SLC26A8: variants seen among roughly 807,000 people sequenced by gnomAD.
The protein encoded by SLC26A8 is testis anion transporter 1.
SLC26A8 carries 70 observed loss-of-function variants against 105.0 expected under a neutral mutation model. The observed-to-expected ratio is 0.67, with a 90% confidence interval of 0.55 to 0.81. The LOEUF (loss-of-function observed/expected upper bound fraction) is 0.81, where lower values mean the gene tolerates loss of function less well. SLC26A8 is among the 40% of genes least tolerant of loss of function. SLC26A8 has a pLI of 0.00. For missense variants in SLC26A8, 998 were observed against 1,181.8 expected (o/e 0.84, Z 2.28); for synonymous variants, 415 against 438.3 (o/e 0.95, Z 0.66).
Position 35,960,865 on chromosome 6 carries a change from C to T in SLC26A8, c.1616G>A (p.Arg539Lys), listed in dbSNP as rs763871315. 1 of 1,614,154 alleles carries T rather than the reference C, an allele frequency of 6.2e-7. No homozygotes were observed. Among genetic ancestry groups the T allele is most frequent in the Non-Finnish European group, 8.5e-7 (1 of 1,180,036 alleles). Residue 539 changes from arginine (R) to lysine (K), a missense_variant, in exon 14 of 20, where the codon AGA (arginine) becomes AAA (lysine). Coordinates refer to ENST00000490799, the MANE Select transcript of SLC26A8 (RefSeq NM_052961.4). ...TACCTCCCGATAATCATTGATGCTT[C>T]TATAAATGTTGGTGTTAGGGATTTG... ...LGQIPNTNIY[R>K]SINDYREIIT...
chr6:36,018,027 G>A (rs1277034520), intron 2 of SLC26A8, among the ~76,000 whole-genome samples: 4 of 152,154 alleles, frequency 2.6e-5, no homozygotes, highest in Non-Finnish European at 4.4e-5. Context: ...TAAAAAAATG[G>A]AAAATAACAA....
chr6:36,017,429 CAA>C (rs1437235141), intron 2 of SLC26A8, among the ~76,000 whole-genome samples: 3 of 152,024 alleles, frequency 2.0e-5, no homozygotes. Flanking sequence ...GTCAGGAGTT[CAA>C]AACCAGCCTG....
intron 8 of SLC26A8, among the ~76,000 whole-genome samples, chr6:35,979,972 C>T (rs537626231): frequency 2.6e-5 from 4 of 151,858 alleles, no homozygotes; most frequent in Non-Finnish European, 5.9e-5. Context: ...TGGGTTTTTT[C>T]TTTTTTCTTT....
chr6:36,016,947 G>A (rs982804604), intron 2 of SLC26A8, among the ~76,000 whole-genome samples: 1 of 152,038 alleles, frequency 6.6e-6, no homozygotes, highest in Admixed American at 6.6e-5. Flanking sequence ...CAAAGCAAGC[G>A]GATCACTTGA....
At position 35,955,058 on chromosome 6, in the gene SLC26A8, G is replaced by C; in HGVS notation, c.2232+94C>G. The C allele has an allele frequency of 2.7e-6, 4 of 1,488,768 alleles. No individual in the cohort carries two copies. The South Asian group carries it at 4.8e-5, about 18-fold the overall frequency. 92.2% of individuals were successfully genotyped at this position (1,488,768 alleles called of 1,614,324 possible). A position where few individuals can be genotyped will look rare whatever the true frequency, so the allele number is the denominator to read the frequency against. On this transcript the variant is annotated intron_variant, in intron 17 of 19. Coordinates refer to ENST00000490799, the MANE Select transcript of SLC26A8 (RefSeq NM_052961.4). ...GTGGCCTAGCAGTCTCATAGCAGCT[G>C]ATCAGTGACTAACAGAATTCAATCA...
At chr6:35,951,085 C>A in intron 19 of SLC26A8, 78 bp downstream of exon 19, 1 of 1,252,870 alleles carries the variant, frequency 8.0e-7, no homozygotes, top group Non-Finnish European at 1.1e-6. Context: ...TGACTCCCAG[C>A]CCCCAACCAC....
At chr6:35,992,437 A>G (rs1368775133) in intron 6 of SLC26A8, 73 bp downstream of exon 6, 6 of 1,494,770 alleles carry the variant, frequency 4.0e-6, no homozygotes, top group African/African-American at 1.4e-5. Context: ...GAGTCTCCCT[A>G]CTGAGCTCCA....
chr6:36,017,196 T>TGGAA (rs146690962), intron 2 of SLC26A8, among the ~76,000 whole-genome samples: 96,968 of 148,526 alleles, frequency 0.65, 32,191 homozygotes, highest in Middle Eastern at 0.74. Context: ...GAAAGAAGAA[T>TGGAA]GGAAGGAAGG....
intron 11 of SLC26A8, 21 bp from the exon 12 acceptor site, chr6:35,962,642 A>G (rs370609552): frequency 2.7e-5 from 44 of 1,610,722 alleles, no homozygotes; most frequent in East Asian, 2.2e-4. Flanking sequence ...AAGATAAATC[A>G]TGGTTCATTT....
chr6:35,971,648 A>G (rs1772800541), intron 10 of SLC26A8, among the ~76,000 whole-genome samples: 1 of 152,208 alleles, frequency 6.6e-6, no homozygotes. Flanking sequence ...AGAACCTCAG[A>G]GAGCAAAATT....
At chr6:35,993,196 G>A (rs1418808091) in intron 5 of SLC26A8, among the ~76,000 whole-genome samples, 1 of 102,784 alleles carries the variant, frequency 9.7e-6, no homozygotes, top group Non-Finnish European at 2.1e-5. Flanking sequence ...TGGAGGGGGG[G>A]GTCTTGCTAT....
chr6:35,949,062 C>A (rs530483090), intron 19 of SLC26A8, among the ~76,000 whole-genome samples: 1 of 152,164 alleles, frequency 6.6e-6, no homozygotes, highest in African/African-American at 2.4e-5. Context: ...TACCCAGTCT[C>A]AGATATTTTG....
Position 35,944,146 on chromosome 6 carries a change from C to G in SLC26A8, c.2667G>C (p.Lys889Asn), listed in dbSNP as rs757072385. Residue 889 changes from lysine to asparagine, a missense_variant, in exon 20 of 20, where the codon AAG becomes AAC. Lys to Asn is a moderately conservative substitution (Grantham distance 94). Coordinates refer to ENST00000490799, the MANE Select transcript of SLC26A8 (RefSeq NM_052961.4). ...DRELEPEMEP[K>N]AETETKTQTE... is the part of the protein sequence containing the mutation. The stretch of plus-strand genomic sequence containing the variant: ...TCTGGGTCTTGGTCTCGGTCTCAGC[C>G]TTGGGCTCCATTTCAGGCTCCAGCT... 2.5e-6 allele frequency: 4 copies of G among 1,613,980 alleles called. No homozygotes were observed. The East Asian group carries it at 6.7e-5, about 27-fold the overall frequency.
At chr6:36,008,384 T>G (rs1172860054) in intron 3 of SLC26A8, among the ~76,000 whole-genome samples, 1 of 152,082 alleles carries the variant, frequency 6.6e-6, no homozygotes, top group African/African-American at 2.4e-5. Flanking sequence ...GCTAAGTACT[T>G]GAACAGACCC....
At chr6:35,945,776 G>A (rs1771637183) in intron 19 of SLC26A8, among the ~76,000 whole-genome samples, 1 of 152,064 alleles carries the variant, frequency 6.6e-6, no homozygotes, top group Non-Finnish European at 1.5e-5. Context: ...TATATGACAG[G>A]GCCTGGTTCT....
intron 17 of SLC26A8, among the ~76,000 whole-genome samples, chr6:35,952,146 G>A (rs1771900769): frequency 6.6e-6 from 1 of 152,184 alleles, no homozygotes; most frequent in African/African-American, 2.4e-5. Context: ...ACAGGCACAG[G>A]TGTGAGGCAA....
At chr6:36,009,564 A>G (rs114163773) in intron 3 of SLC26A8, among the ~76,000 whole-genome samples, 38 of 152,354 alleles carry the variant, frequency 2.5e-4, no homozygotes, top group African/African-American at 7.9e-4. Flanking sequence ...TGAATCACCA[A>G]AGAATTATGA....
chr6:35,959,969 C>T (rs542789114), intron 14 of SLC26A8, 163 bp from the exon 15 acceptor site: 18 of 539,356 alleles, frequency 3.3e-5, no homozygotes, highest in South Asian at 9.2e-5. Flanking sequence ...AGTGCAATGG[C>T]GCGATCTTGG....
chr6:35,951,100 C>CACCCCACCCCCCACAGCCCACAA, intron 19 of SLC26A8, 63 bp downstream of exon 19: 1 of 1,364,760 alleles, frequency 7.3e-7, no homozygotes, highest in Non-Finnish European at 1.0e-6. Context: ...AACCACCCCT[C>CACCCCACCCCCCACAGCCCACAA]ACCCATCCCC....
Sources: allele counts gnomAD v4.1 joint callset (sites outside exome capture counted in the v4.1 genomes callset), GRCh38; gene constraint gnomAD v4.1.1; transcripts MANE v1.5; gene names NCBI Gene and HGNC (gene_info 2026-07-23, HGNC 2026-07-21).